The following COMMD10 variants were observed in gnomAD, a reference collection of about 807,000 sequenced individuals.
COMMD10 encodes the protein COMM domain-containing protein 10.
Under a neutral mutation model 28.9 loss-of-function variants are expected in COMMD10, and 33 were observed. That is an observed-to-expected ratio of 1.14 (90% CI 0.87 to 1.53). The LOEUF (loss-of-function observed/expected upper bound fraction) is 1.53. Ranked by LOEUF, COMMD10 falls within the 40% of genes most tolerant of loss-of-function variation. The probability of loss-of-function intolerance (pLI) is 0.00; values close to 1 mark genes in which losing one functional copy is unlikely to be tolerated. For missense variants in COMMD10, 310 were observed against 233.4 expected, an observed-to-expected ratio of 1.33 and a Z score of -2.14; for synonymous variants, 110 against 81.7, an observed-to-expected ratio of 1.35 and a Z score of -1.87.
intron 4 of COMMD10, among the ~76,000 whole-genome samples, chr5:116,132,833 G>T (rs1218385899): frequency 6.6e-6 from 1 of 152,104 alleles, no homozygotes; most frequent in Non-Finnish European, 1.5e-5. Flanking sequence ...CATGTACCAT[G>T]AAATTGATTT....
At chr5:116,251,005 G>A (rs925119952) in intron 5 of COMMD10, among the ~76,000 whole-genome samples, 1 of 151,938 alleles carries the variant, frequency 6.6e-6, no homozygotes, top group Admixed American at 6.6e-5. Flanking sequence ...ACCAGTTCCT[G>A]CCTTAAGTGA....
intron 4 of COMMD10, among the ~76,000 whole-genome samples, chr5:116,132,478 A>G (rs545157611): frequency 7.3e-4 from 111 of 152,292 alleles, no homozygotes; most frequent in Non-Finnish European, 1.4e-3. Context: ...CTAAGCATAC[A>G]TTAGTTAATA....
intron 5 of COMMD10, among the ~76,000 whole-genome samples, chr5:116,202,228 T>C (rs1402267033): frequency 2.6e-5 from 4 of 152,166 alleles, no homozygotes; most frequent in South Asian, 2.1e-4. Context: ...ATCATTTTTA[T>C]GGCTGCATAG....
intron 5 of COMMD10, among the ~76,000 whole-genome samples, chr5:116,162,407 T>G (rs1295070820): frequency 6.6e-6 from 1 of 152,166 alleles, no homozygotes; most frequent in Admixed American, 6.5e-5. Context: ...TACAATAATT[T>G]ATAGATAGCT....
At chr5:116,231,340 C>G (rs927776973) in intron 5 of COMMD10, among the ~76,000 whole-genome samples, 2 of 152,022 alleles carry the variant, frequency 1.3e-5, no homozygotes, top group African/African-American at 4.8e-5. Flanking sequence ...CTGACTGATT[C>G]TATTTATAAA....
At chr5:116,257,301 C>G (rs1465644718) in intron 5 of COMMD10, among the ~76,000 whole-genome samples, 1 of 151,618 alleles carries the variant, frequency 6.6e-6, no homozygotes, top group Non-Finnish European at 1.5e-5. Flanking sequence ...TAGGGATGCA[C>G]AACCTTTACA....
intron 4 of COMMD10, among the ~76,000 whole-genome samples, chr5:116,120,594 C>G (rs979834306): frequency 1.3e-5 from 2 of 152,108 alleles, no homozygotes; most frequent in Admixed American, 1.3e-4. Context: ...CCTAACCTAG[C>G]CCCAAGCAAC....
chr5:116,285,600 A>G (rs987559363), intron 5 of COMMD10, among the ~76,000 whole-genome samples: 1 of 152,002 alleles, frequency 6.6e-6, no homozygotes, highest in African/African-American at 2.4e-5. Flanking sequence ...TTCTGTATCA[A>G]TTTAGATGAT....
intron 5 of COMMD10, among the ~76,000 whole-genome samples, chr5:116,151,950 G>A (rs1380525272): frequency 1.3e-5 from 2 of 152,092 alleles, no homozygotes; most frequent in Non-Finnish European, 2.9e-5. Context: ...TGTGATGTTA[G>A]GGTGTCAGTT....
At chr5:116,136,684 G>A (rs963988895) in intron 5 of COMMD10, among the ~76,000 whole-genome samples, 1 of 152,142 alleles carries the variant, frequency 6.6e-6, no homozygotes, top group Non-Finnish European at 1.5e-5. Flanking sequence ...ATATCTAGAT[G>A]TGAAATCTAA....
At chr5:116,137,699 A>T (rs1320711779) in intron 5 of COMMD10, among the ~76,000 whole-genome samples, 1 of 151,978 alleles carries the variant, frequency 6.6e-6, no homozygotes, top group Non-Finnish European at 1.5e-5. Flanking sequence ...TGAAAAATGC[A>T]GCCTGCAGTG....
At chr5:116,149,859 A>C (rs1310599268) in intron 5 of COMMD10, among the ~76,000 whole-genome samples, 3 of 149,774 alleles carry the variant, frequency 2.0e-5, no homozygotes, top group Non-Finnish European at 4.5e-5. Context: ...TCTTTAGTTT[A>C]ATTAGATCCC....
chr5:116,097,587 G>A (rs1169516316), intron 4 of COMMD10, among the ~76,000 whole-genome samples: 1 of 152,140 alleles, frequency 6.6e-6, no homozygotes, highest in Non-Finnish European at 1.5e-5. Flanking sequence ...ATAGTTGTTT[G>A]TATGTACTTC....
intron 5 of COMMD10, among the ~76,000 whole-genome samples, chr5:116,285,053 C>T (rs181798818): frequency 7.6e-4 from 116 of 151,966 alleles, no homozygotes; most frequent in Non-Finnish European, 1.3e-3. Flanking sequence ...TATAAGCAAA[C>T]TTGTGACTTC....
In COMMD10 at chr5:116,223,050, T is replaced by C. The variant is rs184592273; in HGVS notation, c.511-68467T>C. Among the ~76,000 whole-genome samples the C allele has an allele frequency of 4.8e-4, 73 of 152,344 alleles. 1 individual carries two copies. The highest frequency in any genetic ancestry group is 2.5e-3 in the Admixed American group (39 of 15,300). ...CTTCAGATTGCTCTTGATTGGAGTA[T>C]ATAAAATATGTCATAGATTGTGTTA... On this transcript the variant is annotated intron_variant, in intron 5 of 6. Transcript: ENST00000274458.
chr5:116,153,052 A>C (rs554294125), intron 5 of COMMD10, among the ~76,000 whole-genome samples: 1 of 152,222 alleles, frequency 6.6e-6, no homozygotes, highest in South Asian at 2.1e-4. Context: ...ACATAATAGC[A>C]TATTTGTGCA....
chr5:116,101,414 AT>A (rs987896950), intron 4 of COMMD10, among the ~76,000 whole-genome samples: 6 of 151,038 alleles, frequency 4.0e-5, no homozygotes, highest in African/African-American at 1.5e-4. Flanking sequence ...TAACTTTTTT[AT>A]TTTTTATTTA....
rs572502305 is a variant in COMMD10, at chr5:116,269,160, T to C, written c.511-22357T>C. On this transcript the variant is annotated intron_variant, in intron 5 of 6. Transcript: ENST00000274458. ...AAAAATTGGTTTTTACTGTCATGAATTTTTCCCACGTTTATGTTTATTAAC... is the reference window on the plus strand; with the variant it reads ...AAAAATTGGTTTTTACTGTCATGAACTTTTCCCACGTTTATGTTTATTAAC... 5.3e-5 allele frequency among the ~76,000 whole-genome samples: 8 copies of C among 151,846 alleles called. 1 individual carries two copies. The highest frequency in any genetic ancestry group is 1.7e-4 in the African/African-American group (7 of 41,204).
At chr5:116,256,356 A>G (rs1478966064) in intron 5 of COMMD10, among the ~76,000 whole-genome samples, 1 of 151,738 alleles carries the variant, frequency 6.6e-6, no homozygotes, top group African/African-American at 2.4e-5. Context: ...GACAGTCGGT[A>G]GCTTTGACAT....
Sources: allele counts gnomAD v4.1 joint callset (sites outside exome capture counted in the v4.1 genomes callset), GRCh38; gene constraint gnomAD v4.1.1; transcripts MANE v1.5; gene names NCBI Gene and HGNC (gene_info 2026-07-23, HGNC 2026-07-21).